Variants in FMNL2 observed in about 807,000 individuals in gnomAD.
FMNL2 encodes the protein formin-like protein 2.
Under a neutral mutation model 130.2 loss-of-function variants are expected in FMNL2, and 51 were observed. The observed-to-expected ratio is 0.39, with a 90% CI of 0.31 to 0.49. The LOEUF is 0.49. Ranked by LOEUF, FMNL2 falls within the 20% of genes least tolerant of loss-of-function variation. FMNL2 has a pLI of 0.85. For synonymous variants in FMNL2, 465 were observed against 467.1 expected (o/e 1.00, Z 0.06); for missense variants, 977 against 1,316.2 (o/e 0.74, Z 3.99).
Position 152,335,651 on chromosome 2 carries a change from G to T in FMNL2, c.48G>T (p.Ala16=). ...SMDSQQTDFR[A]HNVPLKLPMP... ...ATTCGCAGCAGACCGATTTCAGGGC[G>T]CACAACGTGCCTTTGAAGCTGCCGA... The change falls in exon 1 of 26, where the codon GCG becomes GCT. Residue 16 remains alanine (A), a synonymous_variant. Transcript: ENST00000288670. The T allele has an allele frequency of 3.1e-6, 5 of 1,593,588 alleles. No homozygotes were observed. The highest frequency in any genetic ancestry group is 4.3e-6 in the Non-Finnish European group (5 of 1,169,892).
At chr2:152,383,369 T>G (rs1404937224) in intron 1 of FMNL2, among the ~76,000 whole-genome samples, 1 of 151,310 alleles carries the variant, frequency 6.6e-6, no homozygotes, top group Non-Finnish European at 1.5e-5. Context: ...TAAATTTAGT[T>G]TTCTTTTTTG....
At chr2:152,617,388 G>C (rs1176208661) in intron 13 of FMNL2, among the ~76,000 whole-genome samples, 196 bp downstream of exon 13, 1 of 152,236 alleles carries the variant, frequency 6.6e-6, no homozygotes, top group Non-Finnish European at 1.5e-5. Context: ...TGTGCAATCA[G>C]ATACTGGGGG....
At chr2:152,587,090 C>T (rs1697125045) in intron 9 of FMNL2, among the ~76,000 whole-genome samples, 1 of 152,190 alleles carries the variant, frequency 6.6e-6, no homozygotes, top group South Asian at 2.1e-4. Context: ...TAGAACTCCA[C>T]GTGGCTTGGG....
At chr2:152,411,249 T>A (rs1239054655) in intron 1 of FMNL2, among the ~76,000 whole-genome samples, 1 of 152,172 alleles carries the variant, frequency 6.6e-6, no homozygotes, top group East Asian at 1.9e-4. Flanking sequence ...AGGTAAATTA[T>A]ACTCCCTAAT....
At chr2:152,607,486 C>T (rs1214170773) in intron 10 of FMNL2, 73 bp downstream of exon 10, 13 of 873,510 alleles carry the variant, frequency 1.5e-5, no homozygotes, top group Non-Finnish European at 2.2e-5. Flanking sequence ...CACACACACA[C>T]ACACACACAC....
intron 1 of FMNL2, among the ~76,000 whole-genome samples, chr2:152,423,489 G>A (rs1416209770): frequency 6.6e-6 from 1 of 152,170 alleles, no homozygotes; most frequent in Non-Finnish European, 1.5e-5. Flanking sequence ...TAACTAGATG[G>A]ATGGAAGGCA....
chr2:152,350,396 A>G (rs1179297287), intron 1 of FMNL2, among the ~76,000 whole-genome samples: 1 of 152,130 alleles, frequency 6.6e-6, no homozygotes, highest in Non-Finnish European at 1.5e-5. Context: ...GCCATTTCTT[A>G]TAGGTGGTTT....
chr2:152,567,129 G>C (rs781008969), intron 6 of FMNL2, among the ~76,000 whole-genome samples: 9 of 152,162 alleles, frequency 5.9e-5, no homozygotes, highest in Non-Finnish European at 1.3e-4. Flanking sequence ...AAGGTCACAG[G>C]AGTGAGATGG....
At chr2:152,383,678 G>T (rs2105904032) in intron 1 of FMNL2, among the ~76,000 whole-genome samples, 1 of 152,184 alleles carries the variant, frequency 6.6e-6, no homozygotes, top group South Asian at 2.1e-4. Context: ...TAGCAAACTT[G>T]GTGCTCTTTG....
chr2:152,410,576 A>G (rs1423025902), intron 1 of FMNL2, among the ~76,000 whole-genome samples: 1 of 152,182 alleles, frequency 6.6e-6, no homozygotes, highest in Non-Finnish European at 1.5e-5. Flanking sequence ...CTGACTCAGG[A>G]GGAATGCTAG....
intron 1 of FMNL2, among the ~76,000 whole-genome samples, chr2:152,481,961 A>G (rs574286595): frequency 6.6e-6 from 1 of 152,252 alleles, no homozygotes; most frequent in South Asian, 2.1e-4. Context: ...GCCTCAGTCA[A>G]CTTTATGGAA....
chr2:152,623,316 G>C lies in FMNL2; in HGVS notation c.1838-2122G>C, dbSNP rs1177390600. On this transcript the variant is annotated intron_variant, in intron 15 of 25. Transcript: ENST00000288670. ...AGAGGCAATGCTAGGGCAAGTGCTA[G>C]AGGAAAGTCTGTTCCTTTGTCCCAT... is the stretch of plus-strand genomic sequence containing the variant. 2.6e-5 allele frequency among the ~76,000 whole-genome samples: 4 copies of C among 152,356 alleles called. No homozygotes were observed. In the East Asian group the frequency reaches 5.8e-4, roughly 22 times the overall value.
intron 9 of FMNL2, among the ~76,000 whole-genome samples, chr2:152,581,806 G>A (rs192342721): frequency 6.6e-6 from 1 of 152,204 alleles, no homozygotes; most frequent in South Asian, 2.1e-4. Flanking sequence ...TAGAGAACAG[G>A]TGGAAGCCCA....
intron 1 of FMNL2, among the ~76,000 whole-genome samples, chr2:152,356,739 C>CTTT (rs61078878): frequency 0.086 from 12,598 of 145,752 alleles, 629 homozygotes; most frequent in African/African-American, 0.13. Flanking sequence ...CACTTTTGTG[C>CTTT]TTTTTTTTTT....
intron 9 of FMNL2, among the ~76,000 whole-genome samples, chr2:152,607,011 T>TTG (rs1302274198): frequency 2.3e-5 from 3 of 131,226 alleles, no homozygotes; most frequent in African/African-American, 8.2e-5. Flanking sequence ...TTTTTGTTTT[T>TTG]TTTTTTTTTT....
chr2:152,544,339 C>T (rs373594410), intron 3 of FMNL2, among the ~76,000 whole-genome samples: 3 of 152,054 alleles, frequency 2.0e-5, no homozygotes, highest in East Asian at 1.9e-4. Flanking sequence ...ACCCAGGAGG[C>T]GGAGGTTGCA....
intron 1 of FMNL2, among the ~76,000 whole-genome samples, chr2:152,371,569 T>TGA (rs911817918): frequency 6.8e-6 from 1 of 147,568 alleles, no homozygotes; most frequent in African/African-American, 2.5e-5. Context: ...CTTGGGAAGC[T>TGA]GAGGCAGGAG....
chr2:152,534,556 T>C (rs1693881197), intron 2 of FMNL2, among the ~76,000 whole-genome samples: 1 of 130,192 alleles, frequency 7.7e-6, no homozygotes, highest in African/African-American at 2.9e-5. Flanking sequence ...TCTTAAGGCT[T>C]ATTTTGTCTT....
intron 1 of FMNL2, among the ~76,000 whole-genome samples, chr2:152,348,228 C>T (rs1682241087): frequency 1.3e-5 from 2 of 152,192 alleles, no homozygotes; most frequent in African/African-American, 4.8e-5. Flanking sequence ...CTTTGTATAA[C>T]TTCTGATTGT....
Sources: gnomAD v4.1 joint callset for allele counts (sites outside exome capture counted in the v4.1 genomes callset) on GRCh38, gnomAD v4.1.1 for gene constraint, MANE v1.5 for transcripts, NCBI Gene and HGNC (gene_info 2026-07-23, HGNC 2026-07-21) for gene names.